NXPE2: variants seen among roughly 807,000 people sequenced by gnomAD.
NXPE2 encodes neurexophilin and PC-esterase domain family member 2, also known as NXPE family member 2.
A neutral mutation model predicts 34.4 loss-of-function variants in NXPE2; 34 were observed. That is an observed-to-expected ratio of 0.99 (90% CI 0.75 to 1.31). NXPE2 has a LOEUF of 1.31. Ranked by LOEUF, NXPE2 falls within the 40% of genes most tolerant of loss-of-function variation. The probability of loss-of-function intolerance (pLI) is 0.00; values close to 1 mark genes in which losing one functional copy is unlikely to be tolerated. For missense variants in NXPE2, 649 were observed against 672.5 expected (o/e 0.97, Z 0.39); for synonymous variants, 235 against 231.3 (o/e 1.02, Z -0.15).
At chr11:114,553,623 G>A in the NXPE2 span, 1 of 708,734 alleles carries the variant, frequency 1.4e-6, no homozygotes, top group Non-Finnish European at 1.7e-6. Context: ...ATAAGTAACT[G>A]CAAATCAGAC....
the NXPE2 span, among the ~76,000 whole-genome samples, chr11:114,548,177 C>T: frequency 6.6e-6 from 1 of 152,020 alleles, no homozygotes; most frequent in Non-Finnish European, 1.5e-5. Flanking sequence ...GAGATACATG[C>T]TTAAAGCAGA....
chr11:114,601,869 A>G, the NXPE2 span, among the ~76,000 whole-genome samples: 1 of 4,080 alleles, frequency 2.5e-4, no homozygotes, highest in Non-Finnish European at 3.2e-4. Flanking sequence ...ATACAATTAT[A>G]TATATTATAT....
At chr11:114,606,904 C>G in the NXPE2 span, among the ~76,000 whole-genome samples, 51 of 151,934 alleles carry the variant, frequency 3.4e-4, no homozygotes, top group Middle Eastern at 3.4e-3. Context: ...ACCACTGTTA[C>G]CCGGTGGATA....
At chr11:114,805,783 A>G in the NXPE2 span, among the ~76,000 whole-genome samples, 11 of 152,308 alleles carry the variant, frequency 7.2e-5, no homozygotes, top group East Asian at 9.7e-4. Context: ...GCACAGACAA[A>G]CAAAAAGACA....
At chr11:114,665,877 G>A in the NXPE2 span, among the ~76,000 whole-genome samples, 2 of 152,140 alleles carry the variant, frequency 1.3e-5, no homozygotes, top group Non-Finnish European at 2.9e-5. Context: ...CAATGCACTA[G>A]GACCTTTGCT....
the NXPE2 span, among the ~76,000 whole-genome samples, chr11:114,609,623 C>G: frequency 6.6e-6 from 1 of 151,138 alleles, no homozygotes; most frequent in Non-Finnish European, 1.5e-5. Context: ...GGCATGCTTA[C>G]CCGATGGATA....
chr11:114,696,108 T>A (rs575396628), intron 2 of NXPE2, among the ~76,000 whole-genome samples: 1 of 152,000 alleles, frequency 6.6e-6, no homozygotes, highest in Admixed American at 6.6e-5. Context: ...ATGCTGAGAC[T>A]GGCAGATCCC....
chr11:114,724,757 G>A, the NXPE2 span, among the ~76,000 whole-genome samples: 1 of 151,324 alleles, frequency 6.6e-6, no homozygotes, highest in Non-Finnish European at 1.5e-5. Flanking sequence ...TGACCTCACT[G>A]TGTCTACCTT....
At chr11:114,730,061 T>C in the NXPE2 span, among the ~76,000 whole-genome samples, 2 of 152,316 alleles carry the variant, frequency 1.3e-5, no homozygotes, top group Middle Eastern at 3.4e-3. Context: ...CCTTAACCCA[T>C]GTTGATTTAA....
the NXPE2 span, among the ~76,000 whole-genome samples, chr11:114,480,184 C>T: frequency 6.6e-6 from 1 of 151,914 alleles, no homozygotes; most frequent in Non-Finnish European, 1.5e-5. Flanking sequence ...CCAAAGAAAG[C>T]CTCTAGATGG....
the NXPE2 span, among the ~76,000 whole-genome samples, chr11:114,750,739 A>C: frequency 6.6e-6 from 1 of 152,206 alleles, no homozygotes; most frequent in African/African-American, 2.4e-5. Context: ...TTTGGTTACA[A>C]TATAACATGA....
the NXPE2 span, among the ~76,000 whole-genome samples, chr11:114,622,904 C>T: frequency 2.0e-5 from 3 of 152,136 alleles, no homozygotes; most frequent in Non-Finnish European, 2.9e-5. Context: ...TAGGTAACCA[C>T]TGTTACCCTG....
the NXPE2 span, among the ~76,000 whole-genome samples, chr11:114,727,087 C>A: frequency 6.6e-6 from 1 of 152,090 alleles, no homozygotes; most frequent in South Asian, 2.1e-4. Flanking sequence ...AGTTCCAAAG[C>A]CACTTCCACA....
At chr11:114,788,559 A>G in the NXPE2 span, among the ~76,000 whole-genome samples, 1 of 152,204 alleles carries the variant, frequency 6.6e-6, no homozygotes, top group Non-Finnish European at 1.5e-5. Flanking sequence ...ATGGATGAGG[A>G]TACTTGCATT....
At chr11:114,565,357 C>G in the NXPE2 span, among the ~76,000 whole-genome samples, 4 of 152,276 alleles carry the variant, frequency 2.6e-5, no homozygotes, top group African/African-American at 9.6e-5. Flanking sequence ...TCCACTTACT[C>G]CCTGGCAAAT....
chr11:114,584,415 G>A, the NXPE2 span: 4 of 265,374 alleles, frequency 1.5e-5, no homozygotes, highest in Non-Finnish European at 3.1e-5. Context: ...TTCTGAGGAT[G>A]CTGTCCCTCA....
At chr11:114,505,886 T>C in the NXPE2 span, among the ~76,000 whole-genome samples, 1,026 of 152,246 alleles carry the variant, frequency 6.7e-3, 14 homozygotes, top group African/African-American at 0.022. Flanking sequence ...TAACCTTGAA[T>C]GTAAATGGGC....
chr11:114,608,535 C>G, the NXPE2 span, among the ~76,000 whole-genome samples: 11 of 151,908 alleles, frequency 7.2e-5, no homozygotes, highest in East Asian at 2.1e-3. Context: ...GCACTGTTAC[C>G]CGGTGGATAA....
chr11:114,726,641 T>A, the NXPE2 span, among the ~76,000 whole-genome samples: 1 of 152,130 alleles, frequency 6.6e-6, no homozygotes, highest in African/African-American at 2.4e-5. Context: ...TTTGCTTGCT[T>A]AAATTTCATA....
Sources: gnomAD v4.1 joint callset for allele counts (sites outside exome capture counted in the v4.1 genomes callset) on GRCh38, gnomAD v4.1.1 for gene constraint, MANE v1.5 for transcripts, NCBI Gene and HGNC (gene_info 2026-07-23, HGNC 2026-07-21) for gene names.